The following C3orf70 variants were observed in gnomAD, a reference collection of about 807,000 sequenced individuals.
C3orf70 encodes the protein chromosome 3 open reading frame 70.
A neutral mutation model predicts 20.7 loss-of-function variants in C3orf70; 15 were observed. That is an observed-to-expected ratio of 0.72 (90% confidence interval 0.48 to 1.11). The LOEUF is 1.11. Among genes scored for constraint, C3orf70 ranks in the 50% most tolerant of loss-of-function variants. The pLI, the probability that C3orf70 is intolerant of heterozygous loss-of-function variation, is 0.00. For missense variants in C3orf70, 332 were observed against 317.6 expected (o/e 1.05, Z -0.34); for synonymous variants, 161 against 125.7 (o/e 1.28, Z -1.88).
intron 1 of C3orf70, among the ~76,000 whole-genome samples, chr3:185,098,582 G>C (rs1199048104): frequency 6.6e-6 from 1 of 152,168 alleles, no homozygotes; most frequent in African/African-American, 2.4e-5. Flanking sequence ...GATGAAGGCA[G>C]AAAGCATCTC....
chr3:185,132,528 C>A (rs1716541799), intron 1 of C3orf70, among the ~76,000 whole-genome samples: 1 of 151,688 alleles, frequency 6.6e-6, no homozygotes, highest in African/African-American at 2.4e-5. Context: ...GTGAACAAAG[C>A]AGAAAGCATA....
At chr3:185,125,967 T>C (rs918531736) in intron 1 of C3orf70, among the ~76,000 whole-genome samples, 3 of 152,116 alleles carry the variant, frequency 2.0e-5, no homozygotes, top group African/African-American at 7.2e-5. Flanking sequence ...ACTTTGATGA[T>C]ATGATAGTTA....
chr3:185,103,287 A>G (rs1229000168), intron 1 of C3orf70, among the ~76,000 whole-genome samples: 1 of 152,202 alleles, frequency 6.6e-6, no homozygotes, highest in Non-Finnish European at 1.5e-5. Context: ...CATTCTGGAC[A>G]TAGGAACGGG....
At chr3:185,139,178 GA>G (rs1255500174) in intron 1 of C3orf70, among the ~76,000 whole-genome samples, 1 of 151,156 alleles carries the variant, frequency 6.6e-6, no homozygotes, top group Non-Finnish European at 1.5e-5. Flanking sequence ...GAAAGGAGGA[GA>G]AGGGGAGAGG....
At chr3:185,145,038 C>G (rs1479692582) in intron 1 of C3orf70, among the ~76,000 whole-genome samples, 1 of 152,244 alleles carries the variant, frequency 6.6e-6, no homozygotes, top group Non-Finnish European at 1.5e-5. Flanking sequence ...CTGGACTATA[C>G]TCTGCCTTCC....
At position 185,147,779 on chromosome 3, in the gene C3orf70, C is replaced by T. The variant is rs547399171; in HGVS notation, c.196+4849G>A. Among the ~76,000 whole-genome samples the T allele has an allele frequency of 2.5e-4, 38 of 152,364 alleles. No individual in the cohort carries two copies. The South Asian group carries it at 7.7e-3, about 31-fold the overall frequency. On this transcript the variant is annotated intron_variant, in intron 1 of 1. Coordinates refer to ENST00000335012, the MANE Select transcript of C3orf70 (RefSeq NM_001025266.3). ...CTAACGCTCTGTTCTCTTTTGCCTTCAAGAGCCTCCAACAGCTTTGACTAA... is the reference window on the plus strand; with the variant it reads ...CTAACGCTCTGTTCTCTTTTGCCTTTAAGAGCCTCCAACAGCTTTGACTAA...
intron 1 of C3orf70, among the ~76,000 whole-genome samples, chr3:185,120,355 T>A (rs1716272077): frequency 6.6e-6 from 1 of 152,120 alleles, no homozygotes; most frequent in Admixed American, 6.6e-5. Context: ...ATGTTGGCAT[T>A]CTAGGAGGGG....
chr3:185,140,249 G>A (rs1396615580), intron 1 of C3orf70, among the ~76,000 whole-genome samples: 1 of 152,112 alleles, frequency 6.6e-6, no homozygotes, highest in Non-Finnish European at 1.5e-5. Context: ...CAGTTTTTTG[G>A]CATATAAATA....
chr3:185,131,631 G>T (rs1380034346), intron 1 of C3orf70, among the ~76,000 whole-genome samples: 1 of 152,052 alleles, frequency 6.6e-6, no homozygotes, highest in Non-Finnish European at 1.5e-5. Context: ...AGAAATGCTA[G>T]AAAAAAATTG....
Position 185,082,769 on chromosome 3 carries a change from C to G in C3orf70, c.*238G>C. On this transcript the variant is annotated 3_prime_UTR_variant, in exon 2 of 2. Transcript: ENST00000335012. ...ATTAAGGCGGGGTCACAATTCATGACACCAGATGCTACATAGAAAGTAAGT... is the reference window on the plus strand; with the variant it reads ...ATTAAGGCGGGGTCACAATTCATGAGACCAGATGCTACATAGAAAGTAAGT... 1 of 483,362 alleles carries G rather than the reference C, an allele frequency of 2.1e-6. No individual in the cohort carries two copies. Among genetic ancestry groups the G allele is most frequent in the Admixed American group, 3.6e-5 (1 of 27,534 alleles). The allele number at this position is 483,362 out of a possible 1,614,324, so 29.9% of individuals were successfully genotyped here.
intron 1 of C3orf70, among the ~76,000 whole-genome samples, chr3:185,104,963 TA>T (rs1318132395): frequency 1.3e-5 from 2 of 152,028 alleles, no homozygotes; most frequent in Non-Finnish European, 2.9e-5. Context: ...CCCCTGAACT[TA>T]AAAAATAAAT....
chr3:185,107,996 G>A (rs981891248), intron 1 of C3orf70, among the ~76,000 whole-genome samples: 6 of 152,150 alleles, frequency 3.9e-5, no homozygotes, highest in South Asian at 2.1e-4. Flanking sequence ...ATAGGGATTC[G>A]GAGAACTCAG....
chr3:185,152,977 G>A lies in C3orf70; in HGVS notation c.-154C>T. ...GGCGGCGGGAGCGCGGCGGTCCCAG[G>A]CTCGAGGAGGAGCCGCCCCGGGCGC... On this transcript the variant is annotated 5_prime_UTR_variant, in exon 1 of 2. Transcript: ENST00000335012. The A allele has an allele frequency of 1.9e-6, 1 of 537,084 alleles. No homozygotes were observed. Among genetic ancestry groups the A allele is most frequent in the Non-Finnish European group, 2.7e-6 (1 of 367,940 alleles). 33.3% of individuals were successfully genotyped at this position (537,084 alleles called of 1,614,324 possible).
At chr3:185,104,134 C>G (rs749421143) in intron 1 of C3orf70, among the ~76,000 whole-genome samples, 13 of 152,204 alleles carry the variant, frequency 8.5e-5, no homozygotes, top group Non-Finnish European at 1.8e-4. Flanking sequence ...TGGCTCCCCC[C>G]TCCGCTGTGG....
At chr3:185,117,454 AAGAGAGAG>A (rs3072374) in intron 1 of C3orf70, among the ~76,000 whole-genome samples, 13 of 141,944 alleles carry the variant, frequency 9.2e-5, no homozygotes, top group Non-Finnish European at 2.0e-4. Flanking sequence ...CACACACAGA[AAGAGAGAG>A]AGAGAGAGAG....
rs1715233035 is a variant in C3orf70, at chr3:185,077,930, G to A, written c.*5077C>T. The A allele has an allele frequency of 6.6e-6, 1 of 152,164 alleles. No homozygotes were observed. Among genetic ancestry groups the A allele is most frequent in the Admixed American group, 6.5e-5 (1 of 15,272 alleles). The allele number at this position is 152,164 out of a possible 1,614,324, so 9.4% of individuals were successfully genotyped here. ...CATTGAGGTCTTGTAAAGGTTTAAT[G>A]GGGTAATGGCCATACGCTATTTCCT... On this transcript the variant is annotated 3_prime_UTR_variant, in exon 2 of 2. Coordinates refer to ENST00000335012, the MANE Select transcript of C3orf70 (RefSeq NM_001025266.3).
Position 185,152,958 on chromosome 3 carries a change from G to A in C3orf70, c.-135C>T. 1.3e-6 allele frequency: 1 copy of A among 744,408 alleles called. No homozygotes were observed. Among genetic ancestry groups the A allele is most frequent in the Non-Finnish European group, 1.8e-6 (1 of 557,478 alleles). The allele number at this position is 744,408 out of a possible 1,614,324, so 46.1% of individuals were successfully genotyped here. On this transcript the variant is annotated 5_prime_UTR_variant, in exon 1 of 2. Transcript: ENST00000335012. ...AGTCACGCCAGCACGCGGCGGCGGC[G>A]GGAGCGCGGCGGTCCCAGGCTCGAG...
At chr3:185,123,807 CAAAT>C (rs915862399) in intron 1 of C3orf70, among the ~76,000 whole-genome samples, 1 of 152,140 alleles carries the variant, frequency 6.6e-6, no homozygotes, top group African/African-American at 2.4e-5. Context: ...ACATGTTTCT[CAAAT>C]AAATCCCACT....
At chr3:185,133,473 T>C (rs1716561450) in intron 1 of C3orf70, among the ~76,000 whole-genome samples, 1 of 152,246 alleles carries the variant, frequency 6.6e-6, no homozygotes, top group East Asian at 1.9e-4. Flanking sequence ...CCAGGCATGG[T>C]GGCTCATGCC....
Sources: gnomAD v4.1 joint callset for allele counts (sites outside exome capture counted in the v4.1 genomes callset) on GRCh38, gnomAD v4.1.1 for gene constraint, MANE v1.5 for transcripts, NCBI Gene and HGNC (gene_info 2026-07-23, HGNC 2026-07-21) for gene names.